B3GALNT2: variants seen among roughly 807,000 people sequenced by gnomAD.
B3GALNT2 encodes UDP-GalNAc:beta-1,3-N-acetylgalactosaminyltransferase 2.
Under a neutral mutation model 61.1 loss-of-function variants are expected in B3GALNT2, and 53 were observed. That is an observed-to-expected ratio of 0.87 (90% CI 0.70 to 1.09). The LOEUF (loss-of-function observed/expected upper bound fraction) is 1.09. Ranked by LOEUF, B3GALNT2 falls within the 50% of genes least tolerant of loss-of-function variation. The probability of loss-of-function intolerance (pLI) is 0.00; values close to 1 mark genes in which losing one functional copy is unlikely to be tolerated. For missense variants in B3GALNT2, 544 were observed against 623.0 expected, an observed-to-expected ratio of 0.87 and a Z score of 1.35; for synonymous variants, 223 against 237.4, an observed-to-expected ratio of 0.94 and a Z score of 0.56.
chr1:235,467,404 C>T (rs1005750351), intron 6 of B3GALNT2, among the ~76,000 whole-genome samples: 6 of 151,114 alleles, frequency 4.0e-5, no homozygotes, highest in Non-Finnish European at 7.4e-5. Flanking sequence ...GTGAAAATTA[C>T]TAAAGGGGCA....
rs755657277 is a variant in B3GALNT2 at position 235,455,623 on chromosome 1, G to A, written c.1087C>T (p.Leu363Phe). 2.5e-6 allele frequency: 4 copies of A among 1,604,808 alleles called. No individual in the cohort carries two copies. In the South Asian group the frequency reaches 4.4e-5, roughly 18 times the overall value. Residue 363 changes from leucine to phenylalanine, a missense_variant, in exon 9 of 12, where the codon CTC becomes TTC. Transcript: ENST00000366600. ...ACAATCCTATTAAATACAGCTTCGA[G>A]GTCTATGTAACAGTCATCATCTGTC... ...LKTDDDCYID[L>F]EAVFNRIVQK...
intron 5 of B3GALNT2, among the ~76,000 whole-genome samples, chr1:235,472,919 A>AT (rs1279562493): frequency 3.3e-5 from 5 of 150,804 alleles, no homozygotes; most frequent in Admixed American, 3.3e-4. Flanking sequence ...TTTTATTTTT[A>AT]TTTTTTTGAG....
At chr1:235,445,649 A>G (rs1007635334), downstream of B3GALNT2, among the ~76,000 whole-genome samples, 4 of 152,284 alleles carry the variant, frequency 2.6e-5, no homozygotes, top group African/African-American at 9.6e-5. Flanking sequence ...TTAAAACAAA[A>G]CAAAACAAAA....
downstream of B3GALNT2, among the ~76,000 whole-genome samples, chr1:235,445,241 C>G (rs1558396602): frequency 6.6e-6 from 1 of 152,084 alleles, no homozygotes; most frequent in Non-Finnish European, 1.5e-5. Flanking sequence ...CAAATGTGCA[C>G]TCACTCACTC....
chr1:235,450,387 T>C (rs765597784), intron 11 of B3GALNT2, 47 bp from the exon 12 acceptor site: 1 of 1,596,692 alleles, frequency 6.3e-7, no homozygotes, highest in South Asian at 1.1e-5. Context: ...GAAACTGTTT[T>C]AAGAGCATCA....
At chr1:235,490,771 T>G (rs184718619) in intron 2 of B3GALNT2, among the ~76,000 whole-genome samples, 2 of 152,136 alleles carry the variant, frequency 1.3e-5, no homozygotes, top group East Asian at 3.9e-4. Context: ...ATTAATCACT[T>G]AATGTTTTAC....
chr1:235,441,856 C>A, the B3GALNT2 span: 1 of 1,614,016 alleles, frequency 6.2e-7, no homozygotes, highest in Non-Finnish European at 8.5e-7. Flanking sequence ...ACACAGCAAC[C>A]ACTTATGCTG....
intron 4 of B3GALNT2, among the ~76,000 whole-genome samples, chr1:235,482,482 C>T (rs1039954266): frequency 5.9e-5 from 9 of 152,150 alleles, no homozygotes; most frequent in African/African-American, 1.9e-4. Context: ...ATGAAATACA[C>T]ATACAAGGCA....
intron 5 of B3GALNT2, among the ~76,000 whole-genome samples, chr1:235,475,361 C>T (rs1298896008): frequency 6.6e-6 from 1 of 151,958 alleles, no homozygotes; most frequent in East Asian, 1.9e-4. Context: ...CTTGTGACGC[C>T]CACTGAGATT....
intron 4 of B3GALNT2, among the ~76,000 whole-genome samples, chr1:235,483,768 A>G (rs1041350358): frequency 1.3e-5 from 2 of 152,232 alleles, no homozygotes; most frequent in African/African-American, 4.8e-5. Flanking sequence ...CATGTTTAAA[A>G]CTAAAAAACA....
chr1:235,504,356 G>A lies in B3GALNT2; in HGVS notation c.-104C>T. The A allele has an allele frequency of 7.8e-7, 1 of 1,288,088 alleles. No homozygotes were observed. The highest frequency in any genetic ancestry group is 3.3e-5 in the East Asian group (1 of 30,562). The allele number at this position is 1,288,088 out of a possible 1,614,324, so 79.8% of individuals were successfully genotyped here. A position where few individuals can be genotyped will look rare whatever the true frequency, so the allele number is the denominator to read the frequency against. On this transcript the variant is annotated 5_prime_UTR_variant, in exon 1 of 12. Coordinates refer to ENST00000366600, the MANE Select transcript of B3GALNT2 (RefSeq NM_152490.5). The stretch of plus-strand genomic sequence containing the variant: ...GCGGCGGCTGACGAGCGACCACTCC[G>A]AGCACGCCCGCCCTCGCGCTCGGCG...
rs1049781362 is a variant in B3GALNT2, at chr1:235,449,572, C to T, written c.*634G>A. The T allele has an allele frequency of 6.6e-6, 1 of 152,402 alleles. No homozygotes were observed. The highest frequency in any genetic ancestry group is 1.5e-5 in the Non-Finnish European group (1 of 68,232). 9.4% of individuals were successfully genotyped at this position (152,402 alleles called of 1,614,324 possible). On this transcript the variant is annotated 3_prime_UTR_variant, in exon 12 of 12. Transcript: ENST00000366600. ...GCAGAAAGAAAATTTGGGTATTAGT[C>T]TACCATATAAATGAACTTCTTTAAA...
At chr1:235,481,337 C>T (rs1373627387) in intron 4 of B3GALNT2, among the ~76,000 whole-genome samples, 2 of 152,152 alleles carry the variant, frequency 1.3e-5, no homozygotes, top group African/African-American at 4.8e-5. Context: ...ATAACTCGCA[C>T]ACTATAAATA....
At chr1:235,480,197 T>C (rs182607076) in intron 4 of B3GALNT2, 48 bp from the exon 5 acceptor site, 24 of 1,603,956 alleles carry the variant, frequency 1.5e-5, no homozygotes, top group African/African-American at 2.7e-5. Context: ...ATGTTATACA[T>C]TGCATATGCA....
At chr1:235,444,870 C>A (rs760282592), downstream of B3GALNT2, among the ~76,000 whole-genome samples, 1 of 152,246 alleles carries the variant, frequency 6.6e-6, no homozygotes, top group African/African-American at 2.4e-5. Flanking sequence ...TTCAGTCTTT[C>A]TCTGGAAGGC....
chr1:235,485,785 T>C (rs1684777463), intron 3 of B3GALNT2, among the ~76,000 whole-genome samples: 1 of 152,192 alleles, frequency 6.6e-6, no homozygotes, highest in South Asian at 2.1e-4. Flanking sequence ...CAGTTAAAAA[T>C]ATTTGTACAC....
At chr1:235,484,672 G>A (rs1684717903) in intron 3 of B3GALNT2, 157 bp from the exon 4 acceptor site, 1 of 1,320,150 alleles carries the variant, frequency 7.6e-7, no homozygotes. Flanking sequence ...GAGAAAAATG[G>A]CTGCTTCTAT....
chr1:235,454,210 G>GA lies in B3GALNT2; in HGVS notation c.1256_1257insT (p.Lys420GlnfsTer20). 1 of 1,613,400 alleles carries GA rather than the reference G, an allele frequency of 6.2e-7. No individual in the cohort carries two copies. Among genetic ancestry groups the GA allele is most frequent in the Non-Finnish European group, 8.5e-7 (1 of 1,179,690 alleles). On this transcript the variant is annotated frameshift_variant, in exon 10 of 12. Coordinates refer to ENST00000366600, the MANE Select transcript of B3GALNT2 (RefSeq NM_152490.5). LOFTEE classifies it high-confidence loss of function. Reference sequence around the variant, plus strand: ...TTGCCAGCCACTTGACGATGTCCTTGGAGATCACATATCCTGACCCACATG... The same window carrying GA: ...TTGCCAGCCACTTGACGATGTCCTTGAGAGATCACATATCCTGACCCACATG...
intron 7 of B3GALNT2, 103 bp downstream of exon 7, chr1:235,465,531 TAA>T (rs1211393250): frequency 2.7e-6 from 4 of 1,492,864 alleles, no homozygotes; most frequent in East Asian, 2.3e-5. Flanking sequence ...TTTATCTGAA[TAA>T]AGTTTTTTAA....
Sources: gnomAD v4.1 joint callset for allele counts (sites outside exome capture counted in the v4.1 genomes callset) on GRCh38, gnomAD v4.1.1 for gene constraint, MANE v1.5 for transcripts, NCBI Gene and HGNC (gene_info 2026-07-23, HGNC 2026-07-21) for gene names.